Variants in ANGPT2 observed in about 807,000 individuals in gnomAD.
ANGPT2 encodes angiopoietin 2, also known as angiopoietin-2.
ANGPT2 carries 28 observed loss-of-function variants against 62.9 expected under a neutral mutation model. That is an observed-to-expected ratio of 0.44 (90% CI 0.33 to 0.61). The LOEUF is 0.61. ANGPT2 is among the 20% of genes least tolerant of loss of function. ANGPT2 has a pLI of 0.03. For synonymous variants in ANGPT2, 284 were observed against 207.8 expected, an observed-to-expected ratio of 1.37 and a Z score of -3.15; for missense variants, 727 against 594.9, an observed-to-expected ratio of 1.22 and a Z score of -2.31.
intron 6 of ANGPT2, among the ~76,000 whole-genome samples, chr8:6,514,078 G>T (rs1024041365): frequency 1.3e-5 from 2 of 152,166 alleles, no homozygotes; most frequent in African/African-American, 4.8e-5. Context: ...ACTACTTGGG[G>T]AGCCACCAGC....
intron 1 of ANGPT2, among the ~76,000 whole-genome samples, chr8:6,539,934 A>C (rs4991607): frequency 0.57 from 86,811 of 151,864 alleles, 26,459 homozygotes; most frequent in Non-Finnish European, 0.68. Context: ...TAGATAACCA[A>C]CCCCTTTCCT....
At chr8:6,535,314 A>G (rs1465720679) in intron 1 of ANGPT2, among the ~76,000 whole-genome samples, 1 of 152,240 alleles carries the variant, frequency 6.6e-6, no homozygotes, top group East Asian at 1.9e-4. Flanking sequence ...GAAAACTTAA[A>G]GTCAAATTCC....
At position 6,500,528 on chromosome 8, in the gene ANGPT2, T is replaced by C. The variant is rs1272897852; in HGVS notation, c.*2573A>G. The C allele has an allele frequency of 6.5e-6, 1 of 154,020 alleles. No homozygotes were observed. The highest frequency in any genetic ancestry group is 3.4e-3 in the Middle Eastern group (1 of 296). The allele number at this position is 154,020 out of a possible 1,614,324, so 9.5% of individuals were successfully genotyped here. On this transcript the variant is annotated 3_prime_UTR_variant, in exon 9 of 9. Transcript: ENST00000629816. ...ATTCAAAAGATTAATAGCTGAAAGA[T>C]AAATGGTGATTTTTATCTGCCACTG...
intron 1 of ANGPT2, among the ~76,000 whole-genome samples, chr8:6,550,908 CAGCCCAAGG>C (rs1291921824): frequency 6.6e-6 from 1 of 152,212 alleles, no homozygotes; most frequent in Non-Finnish European, 1.5e-5. Context: ...TTCACAATTA[CAGCCCAAGG>C]AGCCCAAGGG....
At chr8:6,529,168 G>A (rs1035579156) in intron 2 of ANGPT2, among the ~76,000 whole-genome samples, 4 of 152,140 alleles carry the variant, frequency 2.6e-5, no homozygotes, top group Non-Finnish European at 4.4e-5. Flanking sequence ...GCATCAAACC[G>A]CTGGACCAGC....
chr8:6,527,760 C>G, intron 2 of ANGPT2, 84 bp from the exon 3 acceptor site: 6 of 1,260,858 alleles, frequency 4.8e-6, no homozygotes, highest in Non-Finnish European at 6.5e-6. Context: ...AGTACCCAAG[C>G]TACAGGAAAA....
intron 8 of ANGPT2, among the ~76,000 whole-genome samples, chr8:6,507,337 A>T (rs371940390): frequency 6.6e-6 from 1 of 152,206 alleles, no homozygotes; most frequent in East Asian, 1.9e-4. Flanking sequence ...TAATTTTTGC[A>T]GATATGATTT....
chr8:6,501,187 C>A lies in ANGPT2; in HGVS notation c.*1914G>T, dbSNP rs1376434105. 6.6e-6 allele frequency: 1 copy of A among 152,124 alleles called. No homozygotes were observed. 9.4% of individuals were successfully genotyped at this position (152,124 alleles called of 1,614,324 possible). Reference sequence around the variant, plus strand: ...GAAATAAAACAGAGCCTTGACTTTGCCAGAGTCCATCATTGACTCCAAATA... The same window carrying A: ...GAAATAAAACAGAGCCTTGACTTTGACAGAGTCCATCATTGACTCCAAATA... On this transcript the variant is annotated 3_prime_UTR_variant, in exon 9 of 9. Coordinates refer to ENST00000629816, the MANE Select transcript of ANGPT2 (RefSeq NM_001118887.2).
At chr8:6,532,591 A>T (rs1819732722) in intron 1 of ANGPT2, 104 bp from the exon 2 acceptor site, 4 of 847,372 alleles carry the variant, frequency 4.7e-6, no homozygotes, top group Non-Finnish European at 5.0e-6. Context: ...AAAAAAAAAA[A>T]ATCTATCAAA....
chr8:6,532,591 A>AAT, intron 1 of ANGPT2, 104 bp from the exon 2 acceptor site: 1 of 847,372 alleles, frequency 1.2e-6, no homozygotes, highest in Admixed American at 3.7e-5. Flanking sequence ...AAAAAAAAAA[A>AAT]ATCTATCAAA....
At chr8:6,558,246 GC>G (rs1170405625) in intron 1 of ANGPT2, among the ~76,000 whole-genome samples, 3 of 152,164 alleles carry the variant, frequency 2.0e-5, no homozygotes, top group Non-Finnish European at 4.4e-5. Context: ...ATCTCTGAGT[GC>G]TAATCTCCAA....
intron 1 of ANGPT2, among the ~76,000 whole-genome samples, chr8:6,558,328 T>G (rs1406577958): frequency 6.6e-6 from 1 of 152,216 alleles, no homozygotes; most frequent in Non-Finnish European, 1.5e-5. Flanking sequence ...TGACATATTT[T>G]TTTACCTTGC....
intron 2 of ANGPT2, among the ~76,000 whole-genome samples, chr8:6,531,273 GTTTC>G (rs558112004): frequency 5.2e-4 from 78 of 150,114 alleles, no homozygotes; most frequent in Middle Eastern, 3.4e-3. Context: ...TATTTTACTA[GTTTC>G]TTTCTTTCTT....
At chr8:6,553,446 G>A (rs1824028402) in intron 1 of ANGPT2, among the ~76,000 whole-genome samples, 1 of 152,056 alleles carries the variant, frequency 6.6e-6, no homozygotes, top group South Asian at 2.1e-4. Flanking sequence ...AACTTCAGAG[G>A]CTTGCTGGTC....
At chr8:6,517,081 T>C (rs1343482745) in intron 5 of ANGPT2, among the ~76,000 whole-genome samples, 7 of 152,176 alleles carry the variant, frequency 4.6e-5, no homozygotes, top group African/African-American at 1.7e-4. Flanking sequence ...CAGAGAAAGA[T>C]AGTGTTCAAA....
chr8:6,543,388 C>T (rs1330119235), intron 1 of ANGPT2, among the ~76,000 whole-genome samples: 2 of 152,178 alleles, frequency 1.3e-5, no homozygotes, highest in Admixed American at 1.3e-4. Context: ...ACACCCTTCT[C>T]TCTGTGCTTT....
intron 3 of ANGPT2, among the ~76,000 whole-genome samples, chr8:6,524,493 C>T (rs1459525641): frequency 6.6e-6 from 1 of 152,130 alleles, no homozygotes; most frequent in Non-Finnish European, 1.5e-5. Context: ...ACTTACTTTC[C>T]TAGGAACCGA....
chr8:6,520,070 T>C, intron 4 of ANGPT2, 79 bp from the exon 5 acceptor site: 1 of 1,537,370 alleles, frequency 6.5e-7, no homozygotes, highest in Admixed American at 1.8e-5. Flanking sequence ...GCCAATCATT[T>C]GGTGAGTTTT....
intron 3 of ANGPT2, among the ~76,000 whole-genome samples, chr8:6,521,953 C>T (rs1008795129): frequency 1.3e-5 from 2 of 152,168 alleles, no homozygotes; most frequent in African/African-American, 4.8e-5. Context: ...ACCAGCCCTG[C>T]GACTTGGAAC....
Sources: allele counts gnomAD v4.1 joint callset (sites outside exome capture counted in the v4.1 genomes callset), GRCh38; gene constraint gnomAD v4.1.1; transcripts MANE v1.5; gene names NCBI Gene and HGNC (gene_info 2026-07-23, HGNC 2026-07-21).